The following COMMD10 variants were observed in gnomAD, a reference collection of about 807,000 sequenced individuals.
COMMD10 encodes the protein COMM domain-containing protein 10.
Under a neutral mutation model 28.9 loss-of-function variants are expected in COMMD10, and 33 were observed. That is an observed-to-expected ratio of 1.14 (90% CI 0.87 to 1.53). COMMD10 has a LOEUF of 1.53. COMMD10 is among the 40% of genes most tolerant of loss of function. The pLI is 0.00. For synonymous variants in COMMD10, 110 were observed against 81.7 expected, an observed-to-expected ratio of 1.35 and a Z score of -1.87; for missense variants, 310 against 233.4, an observed-to-expected ratio of 1.33 and a Z score of -2.14.
At chr5:116,283,406 GCA>G (rs1751127196) in intron 5 of COMMD10, among the ~76,000 whole-genome samples, 1 of 151,352 alleles carries the variant, frequency 6.6e-6, no homozygotes, top group African/African-American at 2.4e-5. Context: ...GAGTGCAGAG[GCA>G]CAGTCTTGGC....
intron 5 of COMMD10, among the ~76,000 whole-genome samples, chr5:116,151,542 A>T (rs1752528901): frequency 6.6e-6 from 1 of 152,130 alleles, no homozygotes; most frequent in Non-Finnish European, 1.5e-5. Context: ...AGAGCCTGTT[A>T]TTGGTCTATT....
intron 5 of COMMD10, among the ~76,000 whole-genome samples, chr5:116,273,830 T>C (rs1750823961): frequency 1.3e-5 from 2 of 151,824 alleles, no homozygotes; most frequent in South Asian, 2.1e-4. Context: ...AATATAATAC[T>C]TGGAACTAAA....
At chr5:116,086,473 C>A (rs375215254) in intron 1 of COMMD10, among the ~76,000 whole-genome samples, 1 of 151,022 alleles carries the variant, frequency 6.6e-6, no homozygotes, top group Non-Finnish European at 1.5e-5. Context: ...CTTTTTTTTC[C>A]CTGAGAGGGC....
At chr5:116,139,246 A>G (rs1281721924) in intron 5 of COMMD10, among the ~76,000 whole-genome samples, 2 of 151,762 alleles carry the variant, frequency 1.3e-5, no homozygotes, top group Non-Finnish European at 3.0e-5. Flanking sequence ...AGTTGAAACA[A>G]TTTTACATTT....
intron 5 of COMMD10, among the ~76,000 whole-genome samples, chr5:116,247,019 A>G (rs949177566): frequency 6.6e-6 from 1 of 152,100 alleles, no homozygotes; most frequent in African/African-American, 2.4e-5. Context: ...AGAAGCTATC[A>G]ACAGAGTAAA....
Position 116,146,138 on chromosome 5 carries a change from A to T in COMMD10, c.510+11960A>T, listed in dbSNP as rs185879738. On this transcript the variant is annotated intron_variant, in intron 5 of 6. Coordinates refer to ENST00000274458, the MANE Select transcript of COMMD10 (RefSeq NM_016144.4). ...TAAGACAAAGAAGTGGATACATGTA[A>T]AACTTGAAAGCTGGTCTTTTGCGAA... Among the ~76,000 whole-genome samples the T allele has an allele frequency of 5.4e-4, 82 of 151,936 alleles. 3 individuals carry two copies. The highest frequency in any genetic ancestry group is 3.4e-3 in the Middle Eastern group (1 of 294).
chr5:116,125,235 G>T (rs1036943770), intron 4 of COMMD10, among the ~76,000 whole-genome samples: 1 of 152,102 alleles, frequency 6.6e-6, no homozygotes, highest in African/African-American at 2.4e-5. Flanking sequence ...AGGAGCTCTT[G>T]TAAGGCAGGC....
chr5:116,176,940 A>G (rs566611241), intron 5 of COMMD10, among the ~76,000 whole-genome samples: 2 of 152,276 alleles, frequency 1.3e-5, no homozygotes, highest in South Asian at 4.1e-4. Context: ...AACTTGGAAG[A>G]GGGTCCTTCC....
intron 5 of COMMD10, among the ~76,000 whole-genome samples, chr5:116,171,421 G>A (rs1029434139): frequency 3.9e-5 from 6 of 152,138 alleles, no homozygotes; most frequent in East Asian, 3.9e-4. Flanking sequence ...ACAGTGTGGC[G>A]ATTCCTCAGG....
intron 5 of COMMD10, among the ~76,000 whole-genome samples, chr5:116,193,273 C>T (rs1053391612): frequency 2.0e-5 from 3 of 152,038 alleles, no homozygotes; most frequent in Non-Finnish European, 2.9e-5. Context: ...AAACAAAGTA[C>T]GCAGGCAACA....
intron 5 of COMMD10, among the ~76,000 whole-genome samples, chr5:116,270,985 T>TTAA (rs1281301268): frequency 1.3e-5 from 2 of 151,668 alleles, no homozygotes; most frequent in East Asian, 3.9e-4. Context: ...ATCACACCAT[T>TTAA]TAACAATCTC....
chr5:116,219,996 T>G (rs1207240089), intron 5 of COMMD10, among the ~76,000 whole-genome samples: 1 of 152,134 alleles, frequency 6.6e-6, no homozygotes, highest in Non-Finnish European at 1.5e-5. Flanking sequence ...CTTTGTCAGG[T>G]TTGGGTCATA....
chr5:116,263,270 G>A (rs1375145907), intron 5 of COMMD10, among the ~76,000 whole-genome samples: 5 of 151,670 alleles, frequency 3.3e-5, no homozygotes, highest in Admixed American at 2.6e-4. Flanking sequence ...CTACATAAGG[G>A]ATCTAGAGAG....
intron 5 of COMMD10, among the ~76,000 whole-genome samples, chr5:116,191,988 G>T (rs989002030): frequency 6.6e-6 from 1 of 151,560 alleles, no homozygotes; most frequent in Admixed American, 6.6e-5. Flanking sequence ...CACAGGATGT[G>T]ATATTGTGCA....
At chr5:116,190,478 A>T (rs1160073920) in intron 5 of COMMD10, among the ~76,000 whole-genome samples, 3 of 152,200 alleles carry the variant, frequency 2.0e-5, no homozygotes, top group African/African-American at 7.2e-5. Context: ...TTTGATAAAT[A>T]CCCAGCTATT....
At chr5:116,258,380 T>C (rs1750348260) in intron 5 of COMMD10, among the ~76,000 whole-genome samples, 1 of 151,756 alleles carries the variant, frequency 6.6e-6, no homozygotes, top group Non-Finnish European at 1.5e-5. Flanking sequence ...TAAATAATTA[T>C]TTAAATTTAG....
chr5:116,109,087 C>G (rs1012837167), intron 4 of COMMD10, among the ~76,000 whole-genome samples: 3 of 152,180 alleles, frequency 2.0e-5, no homozygotes, highest in African/African-American at 7.2e-5. Flanking sequence ...GCAGAAATCA[C>G]CTGCCTTCTG....
chr5:116,226,149 T>A (rs1004608595), intron 5 of COMMD10, among the ~76,000 whole-genome samples: 1 of 152,118 alleles, frequency 6.6e-6, no homozygotes, highest in Non-Finnish European at 1.5e-5. Context: ...TTCAGCCTTA[T>A]GTCTGCATTT....
At chr5:116,232,759 C>T (rs935512139) in intron 5 of COMMD10, among the ~76,000 whole-genome samples, 14 of 152,160 alleles carry the variant, frequency 9.2e-5, no homozygotes, top group Admixed American at 5.9e-4. Context: ...TAAAATTTGA[C>T]GTTGAATAAT....
Sources: allele counts gnomAD v4.1 joint callset (sites outside exome capture counted in the v4.1 genomes callset), GRCh38; gene constraint gnomAD v4.1.1; transcripts MANE v1.5; gene names NCBI Gene and HGNC (gene_info 2026-07-23, HGNC 2026-07-21).